Variants in SECISBP2L observed in about 807,000 individuals in gnomAD.
SECISBP2L encodes the protein SECIS binding protein 2 like, also known as selenocysteine insertion sequence-binding protein 2-like.
In SECISBP2L, 43 loss-of-function variants were observed where a neutral mutation model predicts 114.7. The observed-to-expected ratio is 0.38, with a 90% CI of 0.29 to 0.48. The LOEUF (loss-of-function observed/expected upper bound fraction) is 0.48, where lower values mean the gene tolerates loss of function less well. Among genes scored for constraint, SECISBP2L ranks in the 20% least tolerant of loss-of-function variants. The pLI is 0.98. For missense variants in SECISBP2L, 1,136 were observed against 1,301.1 expected (o/e 0.87, Z 1.95); for synonymous variants, 451 against 439.7 (o/e 1.03, Z -0.32).
In SECISBP2L at chr15:49,028,187, A is replaced by G. The variant is rs752679030; in HGVS notation, c.895-19T>C. 7 of 1,568,378 alleles carry G rather than the reference A, an allele frequency of 4.5e-6. No individual in the cohort carries two copies. In the African/African-American group the frequency reaches 9.6e-5, roughly 21 times the overall value. ...CCACATGCTAAAAAAAGAAACAAAA[A>G]GACAATTATACTCTACTTGAGAACC... On this transcript the variant is annotated intron_variant, in intron 5 of 17. Transcript: ENST00000559471.
Position 48,991,487 on chromosome 15 carries a change from A to T in SECISBP2L, c.*757T>A, listed in dbSNP as rs926020241. 1 of 152,678 alleles carries T rather than the reference A, an allele frequency of 6.5e-6. No individual in the cohort carries two copies. The highest frequency in any genetic ancestry group is 1.5e-5 in the Non-Finnish European group (1 of 68,042). 9.5% of individuals were successfully genotyped at this position (152,678 alleles called of 1,614,324 possible). Reference sequence around the variant, plus strand: ...ACATGTGCCTAGCTTTTTGTAAATAAGTCTATGTACAAGAGCATTCCTGAG... The same window carrying T: ...ACATGTGCCTAGCTTTTTGTAAATATGTCTATGTACAAGAGCATTCCTGAG... On this transcript the variant is annotated 3_prime_UTR_variant, in exon 18 of 18. Coordinates refer to ENST00000559471, the MANE Select transcript of SECISBP2L (RefSeq NM_001193489.2).
chr15:49,041,716 GAGTATGTACCAC>G (rs1288081673), intron 1 of SECISBP2L, among the ~76,000 whole-genome samples: 2 of 152,100 alleles, frequency 1.3e-5, no homozygotes, highest in Non-Finnish European at 2.9e-5. Context: ...TGAAACTCCA[GAGTATGTACCAC>G]ACACCCACAG....
rs142449156 is a variant in SECISBP2L at position 48,998,991 on chromosome 15, G to A, written c.2403+842C>T. ...TCACCAAGGAATTCACAGTTAAAGG[G>A]AAAGAAACATACGTAACCTACAGCA... On this transcript the variant is annotated intron_variant, in intron 16 of 17. Coordinates refer to ENST00000559471, the MANE Select transcript of SECISBP2L (RefSeq NM_001193489.2). Among the ~76,000 whole-genome samples the A allele has an allele frequency of 5.5e-3, 841 of 152,316 alleles. 5 individuals are homozygous for A. Among genetic ancestry groups the A allele is most frequent in the Middle Eastern group, 0.034 (10 of 294 alleles).
In SECISBP2L at chr15:49,011,718, G is replaced by C. The variant is rs779645067; in HGVS notation, c.1864+13C>G. 6.2e-7 allele frequency: 1 copy of C among 1,613,454 alleles called. No individual in the cohort carries two copies. The highest frequency in any genetic ancestry group is 2.2e-5 in the East Asian group (1 of 44,842). The stretch of plus-strand genomic sequence containing the variant: ...CCATTCCATGAGAAGAGGAGAAAGG[G>C]GGAGCTCCTTACCTTCCTGGGAAAC... On this transcript the variant is annotated intron_variant, in intron 13 of 17. Transcript: ENST00000559471.
At chr15:49,030,228 T>A (rs1370386201) in intron 4 of SECISBP2L, among the ~76,000 whole-genome samples, 2 of 152,236 alleles carry the variant, frequency 1.3e-5, no homozygotes, top group African/African-American at 4.8e-5. Flanking sequence ...TATTATTCCA[T>A]TGAGTGGGTG....
rs752104460 is a variant in SECISBP2L, at chr15:49,017,020, G to A, written c.1252-5C>T. The A allele has an allele frequency of 2.5e-6, 4 of 1,607,202 alleles. No individual in the cohort carries two copies. The East Asian group carries it at 6.7e-5, about 27-fold the overall frequency. ...GTTTTCAGGTAAATCATCCAACTAT[G>A]ATAACCAGAAAAAACACATTTGTTA... On this transcript the variant is annotated splice_polypyrimidine_tract_variant and splice_region_variant and intron_variant, in intron 9 of 17. Transcript: ENST00000559471.
chr15:49,003,252 T>G (rs1310286071), intron 14 of SECISBP2L, among the ~76,000 whole-genome samples: 1 of 151,624 alleles, frequency 6.6e-6, no homozygotes, highest in Admixed American at 6.6e-5. Context: ...CTATTATTGG[T>G]GTGTAGGAAT....
At chr15:49,025,531 C>T (rs972366699) in intron 7 of SECISBP2L, among the ~76,000 whole-genome samples, 3 of 152,012 alleles carry the variant, frequency 2.0e-5, no homozygotes, top group African/African-American at 4.8e-5. Context: ...GAATTTTCTA[C>T]TTGTGGTATC....
chr15:49,002,164 A>G (rs770846891), intron 14 of SECISBP2L, among the ~76,000 whole-genome samples: 2 of 152,136 alleles, frequency 1.3e-5, no homozygotes, highest in Non-Finnish European at 2.9e-5. Flanking sequence ...CTGGCATGAG[A>G]TGGTATCTCA....
chr15:49,012,675 T>C lies in SECISBP2L; in HGVS notation c.1704A>G (p.Lys568=), dbSNP rs149594336. 43 of 1,613,390 alleles carry C rather than the reference T, an allele frequency of 2.7e-5. 1 individual carries two copies. Among genetic ancestry groups the C allele is most frequent in the Non-Finnish European group, 3.6e-5 (42 of 1,179,892 alleles). ...TTTTAAGTGCTGTGGGTCGTTTTAG[T>C]TTTGCAATTTCCTTCTCTTTTCCTT... ...AKKGKEKEIA[K]LKRPTALKKV... The change falls in exon 12 of 18, where the codon AAA becomes AAG. Residue 568 remains lysine (K), a synonymous_variant. Coordinates refer to ENST00000559471, the MANE Select transcript of SECISBP2L (RefSeq NM_001193489.2).
intron 7 of SECISBP2L, among the ~76,000 whole-genome samples, chr15:49,020,768 A>T (rs1382838237): frequency 6.6e-6 from 1 of 152,122 alleles, no homozygotes; most frequent in African/African-American, 2.4e-5. Flanking sequence ...CTCGCCTCCC[A>T]AAGTGCTGGG....
intron 1 of SECISBP2L, among the ~76,000 whole-genome samples, chr15:49,040,477 G>C (rs1437074426): frequency 6.8e-6 from 1 of 148,134 alleles, no homozygotes; most frequent in Non-Finnish European, 1.5e-5. Flanking sequence ...TCAAAATGCA[G>C]CATCTGTTGT....
intron 4 of SECISBP2L, among the ~76,000 whole-genome samples, chr15:49,031,037 C>G (rs892990478): frequency 1.2e-5 from 1 of 83,284 alleles, no homozygotes; most frequent in Non-Finnish European, 2.2e-5. Flanking sequence ...TTATCATTTT[C>G]TTTTTTTTTT....
chr15:49,036,572 T>C (rs1042928616), intron 2 of SECISBP2L, among the ~76,000 whole-genome samples: 1 of 152,240 alleles, frequency 6.6e-6, no homozygotes, highest in Non-Finnish European at 1.5e-5. Context: ...AAAAATAGTA[T>C]TATTAAATTT....
chr15:49,005,040 C>T (rs957395239), intron 14 of SECISBP2L, among the ~76,000 whole-genome samples: 10 of 152,146 alleles, frequency 6.6e-5, no homozygotes, highest in Non-Finnish European at 1.3e-4. Context: ...TTAAAGTCTC[C>T]CACTATTGGC....
At chr15:48,996,117 T>C in intron 17 of SECISBP2L, 1 of 428,978 alleles carries the variant, frequency 2.3e-6, no homozygotes, top group South Asian at 2.7e-5. Context: ...ATGGTGTGTT[T>C]TGCTTTTTAA....
intron 3 of SECISBP2L, among the ~76,000 whole-genome samples, chr15:49,033,788 C>T (rs1902946280): frequency 6.6e-6 from 1 of 152,202 alleles, no homozygotes; most frequent in African/African-American, 2.4e-5. Flanking sequence ...GCAATGATTG[C>T]TCTACTGTAC....
chr15:49,009,116 T>C, intron 14 of SECISBP2L, 100 bp downstream of exon 14: 2 of 1,290,126 alleles, frequency 1.6e-6, no homozygotes, highest in South Asian at 2.9e-5. Flanking sequence ...CTCTGGTCTT[T>C]TGTCTGCTTG....
rs184468971 is a variant in SECISBP2L, at chr15:49,000,109, C to T, written c.2249-122G>A. On this transcript the variant is annotated intron_variant, in intron 15 of 17. Transcript: ENST00000559471. ...TTCTATGAACACTTGTAGCACTTAA[C>T]GCTGTTACACATTATCCTATTTAAT... 5.8e-4 allele frequency: 510 copies of T among 880,176 alleles called. 3 individuals carry two copies. In the African/African-American group the frequency reaches 7.6e-3, roughly 13 times the overall value. 54.5% of individuals were successfully genotyped at this position (880,176 alleles called of 1,614,324 possible). A position where few individuals can be genotyped will look rare whatever the true frequency, so the allele number is the denominator to read the frequency against.
Sources: gnomAD v4.1 joint callset for allele counts (sites outside exome capture counted in the v4.1 genomes callset) on GRCh38, gnomAD v4.1.1 for gene constraint, MANE v1.5 for transcripts, NCBI Gene and HGNC (gene_info 2026-07-23, HGNC 2026-07-21) for gene names.